The following PDE1A variants were observed in gnomAD, a reference collection of about 807,000 sequenced individuals.
The protein encoded by PDE1A is dual specificity calcium/calmodulin-dependent 3',5'-cyclic nucleotide phosphodiesterase 1A.
PDE1A carries 35 observed loss-of-function variants against 61.7 expected under a neutral mutation model. The ratio of observed to expected loss-of-function variants is 0.57; its 90% CI spans 0.43 to 0.75. The LOEUF is 0.75. Ranked by LOEUF, PDE1A falls within the 30% of genes least tolerant of loss-of-function variation. The pLI is 0.00. For synonymous variants in PDE1A, 232 were observed against 213.2 expected, an observed-to-expected ratio of 1.09 and a Z score of -0.77; for missense variants, 597 against 630.6, an observed-to-expected ratio of 0.95 and a Z score of 0.57.
chr2:182,606,280 G>T, the PDE1A span, among the ~76,000 whole-genome samples: 2 of 152,166 alleles, frequency 1.3e-5, no homozygotes, highest in Non-Finnish European at 2.9e-5. Context: ...CCAGGTTCAA[G>T]CAACTCTCCT....
chr2:182,671,896 G>A, the PDE1A span, among the ~76,000 whole-genome samples: 1 of 152,008 alleles, frequency 6.6e-6, no homozygotes, highest in African/African-American at 2.4e-5. Flanking sequence ...TGGGATTACA[G>A]GCTTGAGCCA....
the PDE1A span, among the ~76,000 whole-genome samples, chr2:182,558,374 A>G: frequency 6.6e-6 from 1 of 152,150 alleles, no homozygotes; most frequent in Admixed American, 6.5e-5. Flanking sequence ...TTTATGTAAT[A>G]TTCTCATTTA....
At chr2:182,628,659 T>C in the PDE1A span, among the ~76,000 whole-genome samples, 1 of 152,172 alleles carries the variant, frequency 6.6e-6, no homozygotes, top group African/African-American at 2.4e-5. Flanking sequence ...AATTTTCTTT[T>C]CTTAATGTCT....
chr2:182,409,684 C>A (rs761781858), intron 1 of PDE1A, among the ~76,000 whole-genome samples: 8 of 152,278 alleles, frequency 5.3e-5, no homozygotes, highest in Non-Finnish European at 8.8e-5. Context: ...GGGAGGGTCA[C>A]TGGGTATACC....
At chr2:182,289,761 C>G (rs1475173418) in intron 1 of PDE1A, among the ~76,000 whole-genome samples, 1 of 152,072 alleles carries the variant, frequency 6.6e-6, no homozygotes, top group South Asian at 2.1e-4. Flanking sequence ...TTCTCATCTT[C>G]TCTTTTGATT....
At chr2:182,653,540 A>G in the PDE1A span, among the ~76,000 whole-genome samples, 4 of 152,184 alleles carry the variant, frequency 2.6e-5, no homozygotes, top group Non-Finnish European at 5.9e-5. Flanking sequence ...TGTAAATCAT[A>G]CATTCTGTAA....
intron 2 of PDE1A, among the ~76,000 whole-genome samples, chr2:182,497,512 T>C (rs894024737): frequency 8.5e-5 from 13 of 152,206 alleles, no homozygotes; most frequent in Non-Finnish European, 1.6e-4. Context: ...GTGTTTGTTT[T>C]CTTGTGAAAT....
chr2:182,643,635 G>A, the PDE1A span, among the ~76,000 whole-genome samples: 1 of 152,170 alleles, frequency 6.6e-6, no homozygotes, highest in Non-Finnish European at 1.5e-5. Flanking sequence ...AGTCATGAAA[G>A]AGAAAGCTCT....
the PDE1A span, among the ~76,000 whole-genome samples, chr2:182,591,071 G>A: frequency 3.3e-5 from 5 of 152,118 alleles, no homozygotes. Context: ...TAAGATACTG[G>A]GTGGATCATC....
At chr2:182,406,364 G>C (rs561388086) in intron 1 of PDE1A, among the ~76,000 whole-genome samples, 2 of 106,770 alleles carry the variant, frequency 1.9e-5, no homozygotes, top group African/African-American at 6.3e-5. Context: ...TAGGTTTTTT[G>C]GCTCACAGTA....
At chr2:182,687,196 A>G in the PDE1A span, among the ~76,000 whole-genome samples, 1 of 152,228 alleles carries the variant, frequency 6.6e-6, no homozygotes, top group Admixed American at 6.5e-5. Flanking sequence ...TGGTTCTCCC[A>G]GCACGGAGTT....
the PDE1A span, among the ~76,000 whole-genome samples, chr2:182,558,522 A>C: frequency 2.6e-5 from 4 of 152,184 alleles, no homozygotes; most frequent in African/African-American, 7.2e-5. Flanking sequence ...AATGGCCTTT[A>C]ATCTATGTAA....
intron 2 of PDE1A, among the ~76,000 whole-genome samples, chr2:182,255,659 C>CTTTTTTTTTTTTTT (rs1303654382): frequency 7.5e-6 from 1 of 133,570 alleles, no homozygotes; most frequent in African/African-American, 2.8e-5. Flanking sequence ...TCTTTCTTTT[C>CTTTTTTTTTTTTTT]TTTTTTTTTT....
the PDE1A span, among the ~76,000 whole-genome samples, chr2:182,633,684 C>G: frequency 1.3e-5 from 2 of 152,254 alleles, no homozygotes; most frequent in South Asian, 4.2e-4. Flanking sequence ...CAGATATTCT[C>G]TTAAATATTT....
chr2:182,422,469 G>A (rs189398112), intron 1 of PDE1A, among the ~76,000 whole-genome samples: 1 of 152,260 alleles, frequency 6.6e-6, no homozygotes, highest in East Asian at 1.9e-4. Context: ...ATGGTTTGAG[G>A]CAGTGAAATT....
the PDE1A span, among the ~76,000 whole-genome samples, chr2:182,632,157 CAGAG>C: frequency 6.6e-6 from 1 of 152,026 alleles, no homozygotes; most frequent in East Asian, 1.9e-4. Context: ...CACCAAGAGA[CAGAG>C]AGAGAGATTT....
chr2:182,441,297 C>G (rs1385718360), intron 2 of PDE1A, among the ~76,000 whole-genome samples: 1 of 152,010 alleles, frequency 6.6e-6, no homozygotes, highest in Non-Finnish European at 1.5e-5. Context: ...GGGACAAAGC[C>G]AAACCATATC....
At chr2:182,246,426 C>G in intron 2 of PDE1A, among the ~76,000 whole-genome samples, 1 of 71,020 alleles carries the variant, frequency 1.4e-5, no homozygotes, top group African/African-American at 5.6e-5. Context: ...TTTTTTTTGA[C>G]AGAGTCTTGC....
intron 1 of PDE1A, among the ~76,000 whole-genome samples, chr2:182,295,015 G>A (rs375133013): frequency 2.8e-4 from 37 of 131,210 alleles, no homozygotes; most frequent in Non-Finnish European, 4.0e-4. Context: ...TTAAGTCTCC[G>A]TTTATTGCAA....
Sources: allele counts gnomAD v4.1 joint callset (sites outside exome capture counted in the v4.1 genomes callset), GRCh38; gene constraint gnomAD v4.1.1; transcripts MANE v1.5; gene names NCBI Gene and HGNC (gene_info 2026-07-23, HGNC 2026-07-21).